PCDH15: variants seen among roughly 807,000 people sequenced by gnomAD.
PCDH15 encodes protocadherin related 15, also known as protocadherin-15.
In PCDH15, 129 loss-of-function variants were observed where a neutral mutation model predicts 178.5. That is an observed-to-expected ratio of 0.72 (90% CI 0.63 to 0.84). The LOEUF is 0.84. Among genes scored for constraint, PCDH15 ranks in the 40% least tolerant of loss-of-function variants. The pLI is 0.00. For synonymous variants in PCDH15, 800 were observed against 732.0 expected (o/e 1.09, Z -1.50); for missense variants, 2,230 against 2,099.9 (o/e 1.06, Z -1.21).
chr10:54,403,289 C>T (rs1009259639), intron 3 of PCDH15, among the ~76,000 whole-genome samples: 2 of 151,896 alleles, frequency 1.3e-5, no homozygotes, highest in African/African-American at 4.8e-5. Context: ...GTTCATAAGG[C>T]TTAAGGAAAT....
At chr10:54,728,307 C>T (rs35581800) in intron 1 of PCDH15, among the ~76,000 whole-genome samples, 18,449 of 151,288 alleles carry the variant, frequency 0.12, 1,258 homozygotes, top group African/African-American at 0.17. Flanking sequence ...ATTCAGCGAT[C>T]CATCGTATAA....
chr10:55,418,601 T>C (rs916274622), intron 2 of PCDH15, among the ~76,000 whole-genome samples: 1 of 151,774 alleles, frequency 6.6e-6, no homozygotes, highest in Admixed American at 6.6e-5. Context: ...TAGCACATGA[T>C]GGAGACCACA....
chr10:55,316,184 T>C (rs1843717731), intron 1 of PCDH15, among the ~76,000 whole-genome samples: 1 of 152,174 alleles, frequency 6.6e-6, no homozygotes, highest in African/African-American at 2.4e-5. Context: ...CACCAATACA[T>C]ATGCTACTGT....
intron 2 of PCDH15, among the ~76,000 whole-genome samples, chr10:55,424,887 C>A: frequency 7.2e-6 from 1 of 138,734 alleles, no homozygotes. Flanking sequence ...GTTGATGTGG[C>A]AATTAAAAAA....
At chr10:55,336,680 T>C (rs748352071) in intron 2 of PCDH15, among the ~76,000 whole-genome samples, 48 of 152,136 alleles carry the variant, frequency 3.2e-4, no homozygotes, top group Admixed American at 9.8e-4. Flanking sequence ...AATTCCATCC[T>C]CTACCCTTTC....
intron 26 of PCDH15, among the ~76,000 whole-genome samples, chr10:53,879,637 C>G (rs1237453550): frequency 3.3e-5 from 5 of 152,122 alleles, no homozygotes; most frequent in African/African-American, 1.2e-4. Flanking sequence ...TGATTCAAAA[C>G]CAACATTCAA....
intron 2 of PCDH15, among the ~76,000 whole-genome samples, chr10:55,580,343 A>G (rs908074941): frequency 2.1e-5 from 3 of 145,302 alleles, no homozygotes; most frequent in Non-Finnish European, 1.5e-5. Context: ...TGGCTTCTTC[A>G]TTTTTTTTAT....
chr10:55,179,061 C>T (rs1839570312), intron 1 of PCDH15, among the ~76,000 whole-genome samples: 1 of 152,132 alleles, frequency 6.6e-6, no homozygotes, highest in Non-Finnish European at 1.5e-5. Flanking sequence ...ATATATGGTT[C>T]ATGCATACTT....
intron 3 of PCDH15, among the ~76,000 whole-genome samples, chr10:54,421,344 G>A (rs952059272): frequency 7.3e-5 from 11 of 151,440 alleles, no homozygotes; most frequent in Non-Finnish European, 1.3e-4. Context: ...ACTAGAACAT[G>A]AAATCAATAT....
chr10:54,625,333 T>A (rs916833914), intron 2 of PCDH15, among the ~76,000 whole-genome samples: 2 of 152,160 alleles, frequency 1.3e-5, no homozygotes, highest in African/African-American at 2.4e-5. Context: ...AGTTTCCTAA[T>A]GTAAATTCTC....
At chr10:54,733,888 C>T (rs1943726975) in intron 1 of PCDH15, among the ~76,000 whole-genome samples, 1 of 150,744 alleles carries the variant, frequency 6.6e-6, no homozygotes, top group Admixed American at 6.6e-5. Flanking sequence ...GACCTCCAAA[C>T]GTAAAAACAA....
At chr10:55,130,929 A>G (rs1041202941) in intron 2 of PCDH15, among the ~76,000 whole-genome samples, 1 of 152,046 alleles carries the variant, frequency 6.6e-6, no homozygotes, top group East Asian at 1.9e-4. Context: ...TTTTATATGG[A>G]TCAGTGTGAA....
chr10:55,439,044 G>A (rs558832792), intron 2 of PCDH15, among the ~76,000 whole-genome samples: 63 of 151,762 alleles, frequency 4.2e-4, no homozygotes, highest in Middle Eastern at 6.8e-3. Context: ...GACTACAGGC[G>A]CCCACCACCA....
At chr10:55,351,118 G>A (rs1229702132) in intron 2 of PCDH15, among the ~76,000 whole-genome samples, 1 of 144,640 alleles carries the variant, frequency 6.9e-6, no homozygotes, top group African/African-American at 2.6e-5. Context: ...CTTCTGCCAT[G>A]TGTTAGACAA....
In PCDH15 at chr10:54,023,202, T is replaced by A; in HGVS notation, c.2221-5A>T. ...TCCAGCATCAGGGTCTGTTGCCTAT[T>A]AAATAAAACAAAAAAACAAAAAAAT... On this transcript the variant is annotated splice_polypyrimidine_tract_variant and splice_region_variant and intron_variant, in intron 18 of 37. Transcript: ENST00000644397. The A allele has an allele frequency of 1.2e-6, 2 of 1,612,214 alleles. No individual in the cohort carries two copies. Among genetic ancestry groups the A allele is most frequent in the Middle Eastern group, 1.7e-4 (1 of 5,960 alleles).
chr10:55,507,418 T>G (rs1350184442), intron 2 of PCDH15, among the ~76,000 whole-genome samples: 1 of 151,154 alleles, frequency 6.6e-6, no homozygotes, highest in Non-Finnish European at 1.5e-5. Flanking sequence ...ACTAGCTGAG[T>G]GCAGATATGT....
At chr10:54,665,273 G>A (rs2094552782) in intron 1 of PCDH15, among the ~76,000 whole-genome samples, 1 of 152,014 alleles carries the variant, frequency 6.6e-6, no homozygotes, top group South Asian at 2.1e-4. Flanking sequence ...ATGTGGCAAT[G>A]CAAGCCAGTG....
intron 7 of PCDH15, among the ~76,000 whole-genome samples, chr10:54,321,632 CA>C (rs879333154): frequency 1.1e-4 from 16 of 151,834 alleles, no homozygotes; most frequent in Non-Finnish European, 2.1e-4. Flanking sequence ...CTGTCAGCAT[CA>C]AATCTCTCAC....
intron 2 of PCDH15, among the ~76,000 whole-genome samples, chr10:54,984,324 C>A (rs759554663): frequency 1.3e-5 from 2 of 152,150 alleles, no homozygotes; most frequent in Non-Finnish European, 2.9e-5. Context: ...ATAACGGTAA[C>A]TTACAGTAGT....
Sources: allele counts gnomAD v4.1 joint callset (sites outside exome capture counted in the v4.1 genomes callset), GRCh38; gene constraint gnomAD v4.1.1; transcripts MANE v1.5; gene names NCBI Gene and HGNC (gene_info 2026-07-23, HGNC 2026-07-21).